Variants in SLC36A4 observed in about 807,000 individuals in gnomAD.
SLC36A4 encodes the protein neutral amino acid uniporter 4.
Under a neutral mutation model 50.5 loss-of-function variants are expected in SLC36A4, and 49 were observed. That is an observed-to-expected ratio of 0.97 (90% CI 0.77 to 1.23). The LOEUF (loss-of-function observed/expected upper bound fraction) is 1.23, where lower values mean the gene tolerates loss of function less well. Among genes scored for constraint, SLC36A4 ranks in the 50% most tolerant of loss-of-function variants. SLC36A4 has a pLI of 0.00. For synonymous variants in SLC36A4, 207 were observed against 206.5 expected, an observed-to-expected ratio of 1.00 and a Z score of -0.02; for missense variants, 611 against 608.4, an observed-to-expected ratio of 1.00 and a Z score of -0.05.
At chr11:93,177,043 G>A (rs559225063) in intron 6 of SLC36A4, among the ~76,000 whole-genome samples, 1 of 152,350 alleles carries the variant, frequency 6.6e-6, no homozygotes, top group Admixed American at 6.5e-5. Flanking sequence ...ATCCTGAAGA[G>A]TGTTTTCCAA....
chr11:93,150,530 C>T (rs1159090243), intron 10 of SLC36A4, among the ~76,000 whole-genome samples: 1 of 151,976 alleles, frequency 6.6e-6, no homozygotes, highest in Non-Finnish European at 1.5e-5. Flanking sequence ...GCCCTAAAAA[C>T]TGTTTTGAAA....
At position 93,147,799 on chromosome 11, in the gene SLC36A4, A is replaced by G. The variant is rs1303749302; in HGVS notation, c.*738T>C. On this transcript the variant is annotated 3_prime_UTR_variant, in exon 11 of 11. Coordinates refer to ENST00000326402, the MANE Select transcript of SLC36A4 (RefSeq NM_152313.4). ...TCTCAAGGCTGAGTGGTCTCGACCA[A>G]GTTACTTAACCTTTCTAGGCCTCCT... The G allele has an allele frequency of 6.6e-6, 1 of 152,118 alleles. No individual in the cohort carries two copies. Among genetic ancestry groups the G allele is most frequent in the East Asian group, 1.9e-4 (1 of 5,174 alleles). 9.4% of individuals were successfully genotyped at this position (152,118 alleles called of 1,614,324 possible). A position where few individuals can be genotyped will look rare whatever the true frequency, so the allele number is the denominator to read the frequency against.
Position 93,168,160 on chromosome 11 carries a change from T to A in SLC36A4, c.552A>T (p.Gly184=). 1 of 1,604,938 alleles carries A rather than the reference T, an allele frequency of 6.2e-7. No homozygotes were observed. Among genetic ancestry groups the A allele is most frequent in the Admixed American group, 1.7e-5 (1 of 58,746 alleles). The change falls in exon 7 of 11, where the codon GGA becomes GGT. Residue 184 remains glycine, a synonymous_variant. Coordinates refer to ENST00000326402, the MANE Select transcript of SLC36A4 (RefSeq NM_152313.4). ...AAATAAACACTTTACTCTCCAGGAA[T>A]CCTTCATGAACCTACATAGGATTAC... is the stretch of plus-strand genomic sequence containing the variant. ...LAENVKQVHE[G]FLESKVFISN...
chr11:93,157,731 T>C (rs1326303330), intron 9 of SLC36A4, among the ~76,000 whole-genome samples: 2 of 152,236 alleles, frequency 1.3e-5, no homozygotes, highest in African/African-American at 4.8e-5. Context: ...GCTTGAGACT[T>C]TGCTGAAGTT....
chr11:93,170,275 C>A (rs535230744), intron 6 of SLC36A4: 48 of 152,056 alleles, frequency 3.2e-4, no homozygotes, highest in African/African-American at 1.1e-3. Flanking sequence ...TCCATTTGAG[C>A]TCAAATTTAC....
At chr11:93,164,971 A>T (rs928512684) in intron 8 of SLC36A4, among the ~76,000 whole-genome samples, 2 of 152,148 alleles carry the variant, frequency 1.3e-5, no homozygotes, top group African/African-American at 4.8e-5. Flanking sequence ...TGAATTTGAG[A>T]TCCTAAGGAA....
chr11:93,179,959 T>G (rs766521444), intron 6 of SLC36A4: 156 of 381,698 alleles, frequency 4.1e-4, no homozygotes, highest in Non-Finnish European at 5.4e-4. Flanking sequence ...AGTCTATACT[T>G]AGAAAAGAGA....
intron 9 of SLC36A4, among the ~76,000 whole-genome samples, chr11:93,158,734 C>G (rs1168983169): frequency 1.3e-4 from 20 of 152,050 alleles, no homozygotes; most frequent in Admixed American, 1.1e-3. Context: ...TTATCACAAC[C>G]TTTTCTTCAT....
In SLC36A4 at chr11:93,148,377, AC is replaced by A; in HGVS notation, c.*159del. The stretch of plus-strand genomic sequence containing the variant: ...AGCAAGGATTTTTCATAGGTTTACC[AC>A]TACTGGTAAAGAGTTATGATTACTT... On this transcript the variant is annotated 3_prime_UTR_variant, in exon 11 of 11. Transcript: ENST00000326402. The A allele has an allele frequency of 1.6e-6, 1 of 641,514 alleles. No homozygotes were observed. Among genetic ancestry groups the A allele is most frequent in the South Asian group, 2.3e-5 (1 of 43,862 alleles). 39.7% of individuals were successfully genotyped at this position (641,514 alleles called of 1,614,324 possible). A position where few individuals can be genotyped will look rare whatever the true frequency, so the allele number is the denominator to read the frequency against.
intron 6 of SLC36A4, among the ~76,000 whole-genome samples, chr11:93,170,779 G>A (rs1861098063): frequency 6.6e-6 from 1 of 152,018 alleles, no homozygotes. Context: ...CTTATCAGAA[G>A]CACTAGGATT....
chr11:93,195,634 C>G (rs1000400010), intron 1 of SLC36A4, among the ~76,000 whole-genome samples: 47 of 152,346 alleles, frequency 3.1e-4, no homozygotes, highest in African/African-American at 9.6e-4. Context: ...TTCTCCCCTT[C>G]CCTCAGGGTA....
intron 9 of SLC36A4, chr11:93,154,728 AT>A: frequency 6.6e-6 from 1 of 152,262 alleles, no homozygotes; most frequent in East Asian, 1.9e-4. Flanking sequence ...CTTTGGAGGT[AT>A]GTCATCAGTT....
At chr11:93,178,027 C>T (rs976934384) in intron 6 of SLC36A4, among the ~76,000 whole-genome samples, 13 of 152,154 alleles carry the variant, frequency 8.5e-5, no homozygotes, top group Non-Finnish European at 1.2e-4. Flanking sequence ...CCACCCAGTT[C>T]GAGCTTCCCG....
chr11:93,148,417 ATCG>A lies in SLC36A4; in HGVS notation c.*117_*119del. 1 of 887,086 alleles carries A rather than the reference ATCG, an allele frequency of 1.1e-6. No homozygotes were observed. Among genetic ancestry groups the A allele is most frequent in the Non-Finnish European group, 1.8e-6 (1 of 564,344 alleles). The allele number at this position is 887,086 out of a possible 1,614,324, so 55.0% of individuals were successfully genotyped here. A position where few individuals can be genotyped will look rare whatever the true frequency, so the allele number is the denominator to read the frequency against. Reference sequence around the variant, plus strand: ...TTATGATTACTTCCAAAATATTAATATCGTGCCAAAGAAAACAGAGTTTGTTAC... The same window carrying A: ...TTATGATTACTTCCAAAATATTAATATGCCAAAGAAAACAGAGTTTGTTAC... On this transcript the variant is annotated 3_prime_UTR_variant, in exon 11 of 11. Transcript: ENST00000326402.
At chr11:93,177,535 G>GTACA (rs1861535538) in intron 6 of SLC36A4, among the ~76,000 whole-genome samples, 1 of 152,094 alleles carries the variant, frequency 6.6e-6, no homozygotes, top group East Asian at 1.9e-4. Flanking sequence ...GGATGGTAAC[G>GTACA]TACAGATGGG....
intron 4 of SLC36A4, 117 bp from the exon 5 acceptor site, chr11:93,181,903 C>T: frequency 1.2e-6 from 1 of 831,438 alleles, no homozygotes; most frequent in Non-Finnish European, 1.7e-6. Flanking sequence ...AGGCTATGAA[C>T]TGACAAATGA....
At chr11:93,155,823 G>A (rs1360356241) in intron 9 of SLC36A4, among the ~76,000 whole-genome samples, 1 of 151,994 alleles carries the variant, frequency 6.6e-6, no homozygotes, top group Non-Finnish European at 1.5e-5. Flanking sequence ...AAGAATATGT[G>A]GTATTTGGTT....
intron 8 of SLC36A4, 126 bp downstream of exon 8, chr11:93,165,792 T>C (rs1860831377): frequency 1.8e-6 from 1 of 569,500 alleles, no homozygotes; most frequent in Non-Finnish European, 2.9e-6. Context: ...TCACACCAAA[T>C]TGGAAATCAT....
chr11:93,145,845 T>C lies in SLC36A4; in HGVS notation c.*2692A>G, dbSNP rs1859835930. 1 of 152,086 alleles carries C rather than the reference T, an allele frequency of 6.6e-6. No individual in the cohort carries two copies. The highest frequency in any genetic ancestry group is 1.5e-5 in the Non-Finnish European group (1 of 67,992). 9.4% of individuals were successfully genotyped at this position (152,086 alleles called of 1,614,324 possible). ...ATCGAAATATCGTCTCCAAAATCTT[T>C]AGGAAATTTTACGACTTATTAAAGC... On this transcript the variant is annotated 3_prime_UTR_variant, in exon 11 of 11. Coordinates refer to ENST00000326402, the MANE Select transcript of SLC36A4 (RefSeq NM_152313.4).
Sources: gnomAD v4.1 joint callset for allele counts (sites outside exome capture counted in the v4.1 genomes callset) on GRCh38, gnomAD v4.1.1 for gene constraint, MANE v1.5 for transcripts, NCBI Gene and HGNC (gene_info 2026-07-23, HGNC 2026-07-21) for gene names.